Variants in BAZ2B observed in about 807,000 individuals in gnomAD.
BAZ2B encodes the protein bromodomain adjacent to zinc finger domain protein 2B.
BAZ2B carries 91 observed loss-of-function variants against 246.0 expected under a neutral mutation model. The ratio of observed to expected loss-of-function variants is 0.37; its 90% CI spans 0.31 to 0.44. BAZ2B has a LOEUF of 0.44. BAZ2B is among the 20% of genes least tolerant of loss of function. The pLI is 1.00. For synonymous variants in BAZ2B, 855 were observed against 860.0 expected (o/e 0.99, Z 0.10); for missense variants, 2,332 against 2,533.7 (o/e 0.92, Z 1.71).
intron 3 of BAZ2B, among the ~76,000 whole-genome samples, chr2:159,457,854 C>T (rs913298788): frequency 6.6e-6 from 1 of 152,160 alleles, no homozygotes; most frequent in African/African-American, 2.4e-5. Flanking sequence ...CTACTTCCTC[C>T]TCACTTCTCA....
At chr2:159,657,095 T>C in the BAZ2B span, among the ~76,000 whole-genome samples, 1 of 152,196 alleles carries the variant, frequency 6.6e-6, no homozygotes, top group African/African-American at 2.4e-5. Context: ...TCCAGTGTTA[T>C]CATCCAGGAG....
At chr2:159,514,982 C>T (rs1344408459) in intron 2 of BAZ2B, among the ~76,000 whole-genome samples, 1 of 151,978 alleles carries the variant, frequency 6.6e-6, no homozygotes, top group African/African-American at 2.4e-5. Context: ...TAAAATAACC[C>T]TGATAAGCAT....
the BAZ2B span, chr2:159,712,355 G>C: frequency 2.0e-5 from 3 of 152,242 alleles, no homozygotes; most frequent in Non-Finnish European, 2.9e-5. Context: ...CTCTTCAACG[G>C]TTCCCGCAGT....
At chr2:159,494,062 A>G (rs564853810) in intron 2 of BAZ2B, among the ~76,000 whole-genome samples, 1 of 152,330 alleles carries the variant, frequency 6.6e-6, no homozygotes. Flanking sequence ...CTGCCCTTTT[A>G]TACTAGCACT....
chr2:159,485,746 T>C (rs2079749608), intron 2 of BAZ2B, among the ~76,000 whole-genome samples: 1 of 152,148 alleles, frequency 6.6e-6, no homozygotes. Flanking sequence ...TAATACTGCA[T>C]TGAAATATTT....
intron 2 of BAZ2B, among the ~76,000 whole-genome samples, chr2:159,501,095 C>A (rs1237697213): frequency 7.7e-6 from 1 of 130,604 alleles, no homozygotes; most frequent in Admixed American, 8.5e-5. Flanking sequence ...CATGGTGAAA[C>A]CCCATCTCTG....
intron 34 of BAZ2B, among the ~76,000 whole-genome samples, chr2:159,331,204 T>C (rs2064695839): frequency 6.6e-6 from 1 of 152,178 alleles, no homozygotes; most frequent in African/African-American, 2.4e-5. Flanking sequence ...GTAAGGTATG[T>C]GAGCCCGGAT....
intron 3 of BAZ2B, among the ~76,000 whole-genome samples, chr2:159,474,965 C>A (rs991560159): frequency 6.6e-6 from 1 of 152,152 alleles, no homozygotes; most frequent in African/African-American, 2.4e-5. Flanking sequence ...GTAACCCGAC[C>A]TTTCTCTCTG....
chr2:159,612,984 A>G (rs903455990), intron 1 of BAZ2B, among the ~76,000 whole-genome samples: 3 of 152,148 alleles, frequency 2.0e-5, no homozygotes, highest in Admixed American at 1.3e-4. Context: ...AATAAAAACA[A>G]ATTTCTACCA....
intron 27 of BAZ2B, among the ~76,000 whole-genome samples, chr2:159,359,969 G>A (rs1168470815): frequency 8.5e-5 from 13 of 152,124 alleles, no homozygotes; most frequent in Non-Finnish European, 1.5e-4. Flanking sequence ...AATAATAAGA[G>A]CTGTTTATGA....
At chr2:159,575,750 C>CAG (rs1483834554) in intron 1 of BAZ2B, among the ~76,000 whole-genome samples, 1 of 152,026 alleles carries the variant, frequency 6.6e-6, no homozygotes, top group African/African-American at 2.4e-5. Context: ...ATATGTACTC[C>CAG]ATTAACATGA....
At chr2:159,539,467 C>T (rs1386125573) in intron 2 of BAZ2B, among the ~76,000 whole-genome samples, 1 of 152,152 alleles carries the variant, frequency 6.6e-6, no homozygotes, top group Non-Finnish European at 1.5e-5. Context: ...GCTTTAATAC[C>T]ATTTATGTAC....
At chr2:159,553,617 G>T (rs1181660031) in intron 2 of BAZ2B, among the ~76,000 whole-genome samples, 1 of 151,198 alleles carries the variant, frequency 6.6e-6, no homozygotes, top group Non-Finnish European at 1.5e-5. Flanking sequence ...ATTGATAATG[G>T]CCAGGAAGAA....
At chr2:159,685,841 T>C in the BAZ2B span, among the ~76,000 whole-genome samples, 2 of 152,228 alleles carry the variant, frequency 1.3e-5, no homozygotes, top group Non-Finnish European at 2.9e-5. Flanking sequence ...GTAAGAGATA[T>C]AGAAACTCCT....
At chr2:159,583,392 G>A (rs1687296413) in intron 1 of BAZ2B, among the ~76,000 whole-genome samples, 1 of 152,180 alleles carries the variant, frequency 6.6e-6, no homozygotes, top group Non-Finnish European at 1.5e-5. Context: ...TGGGATTACA[G>A]GTGTGAGCCA....
chr2:159,368,128 T>C (rs2060424918), intron 27 of BAZ2B, among the ~76,000 whole-genome samples: 1 of 152,206 alleles, frequency 6.6e-6, no homozygotes, highest in African/African-American at 2.4e-5. Context: ...ACAGGTTAAC[T>C]GATTCTTTTG....
At chr2:159,462,748 C>A in intron 3 of BAZ2B, 1 of 1,434,396 alleles carries the variant, frequency 7.0e-7, no homozygotes, top group Non-Finnish European at 9.8e-7. Flanking sequence ...AACGACCATT[C>A]CAGAAGTTTT....
intron 6 of BAZ2B, among the ~76,000 whole-genome samples, chr2:159,440,998 TAGAG>T (rs1202643446): frequency 6.6e-6 from 1 of 151,990 alleles, no homozygotes; most frequent in African/African-American, 2.4e-5. Context: ...GATCACAAGG[TAGAG>T]AGATTAAAGG....
At chr2:159,687,765 G>T in the BAZ2B span, among the ~76,000 whole-genome samples, 3 of 152,220 alleles carry the variant, frequency 2.0e-5, no homozygotes, top group Admixed American at 2.0e-4. Flanking sequence ...TTAGTCAGAA[G>T]TACTGGAGAA....
Sources: allele counts gnomAD v4.1 joint callset (sites outside exome capture counted in the v4.1 genomes callset), GRCh38; gene constraint gnomAD v4.1.1; transcripts MANE v1.5; gene names NCBI Gene and HGNC (gene_info 2026-07-23, HGNC 2026-07-21).